DERA: variants seen among roughly 807,000 people sequenced by gnomAD.
DERA encodes the protein deoxyribose-phosphate aldolase.
Under a neutral mutation model 41.1 loss-of-function variants are expected in DERA, and 15 were observed. The observed-to-expected ratio is 0.37, with a 90% confidence interval of 0.24 to 0.56. The LOEUF is 0.56. DERA is among the 20% of genes least tolerant of loss of function. DERA has a pLI of 0.81. For missense variants in DERA, 396 were observed against 403.4 expected (o/e 0.98, Z 0.16); for synonymous variants, 139 against 137.4 (o/e 1.01, Z -0.08).
At chr12:15,960,889 T>C (rs1948582880) in intron 4 of DERA, among the ~76,000 whole-genome samples, 1 of 152,020 alleles carries the variant, frequency 6.6e-6, no homozygotes, top group African/African-American at 2.4e-5. Context: ...CTGGAAAAGG[T>C]TTGCTGTTGT....
Position 15,938,533 on chromosome 12 carries a change from GTTTA to G in DERA, c.32-18400_32-18397del, listed in dbSNP as rs1476065181. Among the ~76,000 whole-genome samples, 1 of 152,094 alleles carries G rather than the reference GTTTA, an allele frequency of 6.6e-6. No individual in the cohort carries two copies. The highest frequency in any genetic ancestry group is 1.5e-5 in the Non-Finnish European group (1 of 67,982). ...TCTATGTGTCTAAGTTGCATTTTGTGTTTATTAAGTTTAAAATTCTTGATAGTTT... is the reference window on the plus strand; with the variant it reads ...TCTATGTGTCTAAGTTGCATTTTGTGTTAAGTTTAAAATTCTTGATAGTTT... On this transcript the variant is annotated intron_variant, in intron 1 of 8. Transcript: ENST00000428559. This position sits in a 1 kb window ranked among gnomAD's most constrained non-coding sequence, Gnocchi z 4.1.
At position 15,972,609 on chromosome 12, in the gene DERA, T is replaced by A. The variant is rs547375941; in HGVS notation, c.508+9662T>A. ...TGCCTCATGATGTGTCCCAGGGGCA[T>A]TTCACGCATAGTGCAGAAGTCGGGG... On this transcript the variant is annotated intron_variant, in intron 5 of 8. Coordinates refer to ENST00000428559, the MANE Select transcript of DERA (RefSeq NM_015954.4). The surrounding 1 kb of genome is among the most constrained non-coding windows in gnomAD (Gnocchi z 4.4). 1.3e-4 allele frequency: 24 copies of A among 180,728 alleles called. No individual in the cohort carries two copies. Among genetic ancestry groups the A allele is most frequent in the Non-Finnish European group, 2.2e-4 (18 of 82,964 alleles). 11.2% of individuals were successfully genotyped at this position (180,728 alleles called of 1,614,324 possible).
chr12:16,027,364 T>G (rs1252940228), intron 6 of DERA, among the ~76,000 whole-genome samples: 1 of 152,222 alleles, frequency 6.6e-6, no homozygotes, highest in Non-Finnish European at 1.5e-5. Context: ...GAAGATAGGT[T>G]CACATCCTAA....
rs995979319 is a variant in DERA, at chr12:15,928,973, C to T, written c.31+17559C>T. ...AATCCTGTCCTGCAGACGGGAGCAG[C>T]GTTCTCTGTGAAAACTGGACAGGAG... is the stretch of plus-strand genomic sequence containing the variant. On this transcript the variant is annotated intron_variant, in intron 1 of 8. Coordinates refer to ENST00000428559, the MANE Select transcript of DERA (RefSeq NM_015954.4). This position sits in a 1 kb window ranked among gnomAD's most constrained non-coding sequence, Gnocchi z 4.6. 2.0e-5 allele frequency among the ~76,000 whole-genome samples: 3 copies of T among 152,170 alleles called. No homozygotes were observed. The highest frequency in any genetic ancestry group is 1.3e-4 in the Admixed American group (2 of 15,286).
intron 1 of DERA, among the ~76,000 whole-genome samples, chr12:15,930,846 A>C (rs1311647540): frequency 6.6e-6 from 1 of 152,170 alleles, no homozygotes; most frequent in African/African-American, 2.4e-5. Flanking sequence ...ATGGTAAAGT[A>C]TAAATGACCA....
rs1036395473 is a variant in DERA at position 15,996,278 on chromosome 12, G to A, written c.637+13842G>A. Among the ~76,000 whole-genome samples, 1 of 151,808 alleles carries A rather than the reference G, an allele frequency of 6.6e-6. No individual in the cohort carries two copies. Among genetic ancestry groups the A allele is most frequent in the Non-Finnish European group, 1.5e-5 (1 of 67,964 alleles). ...AAAGAGGAGTGTATTAGTTTCTTGGGCTCGCTGTAACAGAGTACCGCAAAT... is the reference window on the plus strand; with the variant it reads ...AAAGAGGAGTGTATTAGTTTCTTGGACTCGCTGTAACAGAGTACCGCAAAT... On this transcript the variant is annotated intron_variant, in intron 6 of 8. Transcript: ENST00000428559. This position sits in a 1 kb window ranked among gnomAD's most constrained non-coding sequence, Gnocchi z 4.7.
In DERA at chr12:15,935,033, T is replaced by G. The variant is rs895226738; in HGVS notation, c.32-21903T>G. 3.3e-5 allele frequency among the ~76,000 whole-genome samples: 5 copies of G among 152,192 alleles called. No homozygotes were observed. Among genetic ancestry groups the G allele is most frequent in the Admixed American group, 6.5e-5 (1 of 15,274 alleles). ...GACACCACTTTTTTTATAGCAAATATTTCCAGAGCTAACAAAACTCTTTGG... is the reference window on the plus strand; with the variant it reads ...GACACCACTTTTTTTATAGCAAATAGTTCCAGAGCTAACAAAACTCTTTGG... On this transcript the variant is annotated intron_variant, in intron 1 of 8. Transcript: ENST00000428559. The surrounding 1 kb of genome is among the most constrained non-coding windows in gnomAD (Gnocchi z 4.8).
Position 15,982,279 on chromosome 12 carries a change from G to A in DERA, c.509-29G>A, listed in dbSNP as rs1322033516. 1 of 1,600,888 alleles carries A rather than the reference G, an allele frequency of 6.2e-7. No individual in the cohort carries two copies. Among genetic ancestry groups the A allele is most frequent in the East Asian group, 2.2e-5 (1 of 44,754 alleles). ...AGTTATGTTATCACTTGCCTGCTTT[G>A]TAACTGCCTCAATTATTTTCTTCCC... On this transcript the variant is annotated intron_variant, in intron 5 of 8. Transcript: ENST00000428559. This position sits in a 1 kb window ranked among gnomAD's most constrained non-coding sequence, Gnocchi z 4.0.
Position 15,932,121 on chromosome 12 carries a change from C to T in DERA, c.31+20707C>T, listed in dbSNP as rs16911438. Among the ~76,000 whole-genome samples the T allele has an allele frequency of 6.8e-3, 1,034 of 152,198 alleles. 15 individuals carry two copies. The highest frequency in any genetic ancestry group is 0.024 in the African/African-American group (1,008 of 41,518). On this transcript the variant is annotated intron_variant, in intron 1 of 8. Transcript: ENST00000428559. The stretch of plus-strand genomic sequence containing the variant: ...GACTAAGAGCATATAATAATGTAAC[C>T]AAGATATTGACAATAACCATCTTGT...
At chr12:15,945,470 G>A (rs1592011000) in intron 1 of DERA, among the ~76,000 whole-genome samples, 1 of 152,100 alleles carries the variant, frequency 6.6e-6, no homozygotes, top group Non-Finnish European at 1.5e-5. Context: ...GGATTCCTAG[G>A]TATTTTATGC....
Position 16,019,218 on chromosome 12 carries a change from G to A in DERA, c.638-13324G>A, listed in dbSNP as rs1420474386. Among the ~76,000 whole-genome samples the A allele has an allele frequency of 6.6e-6, 1 of 152,194 alleles. No individual in the cohort carries two copies. The highest frequency in any genetic ancestry group is 1.5e-5 in the Non-Finnish European group (1 of 68,016). On this transcript the variant is annotated intron_variant, in intron 6 of 8. Coordinates refer to ENST00000428559, the MANE Select transcript of DERA (RefSeq NM_015954.4). This position sits in a 1 kb window ranked among gnomAD's most constrained non-coding sequence, Gnocchi z 4.4. ...AAAATCCATTTTTCTTTTGACAGCA[G>A]TAAAGTAATGATGTACTTTCTAAAA...
chr12:16,005,892 A>G (rs1161745957), intron 6 of DERA, among the ~76,000 whole-genome samples: 2 of 152,250 alleles, frequency 1.3e-5, no homozygotes, highest in Admixed American at 1.3e-4. Context: ...CTATGAACAC[A>G]TAACTGTAAG....
At chr12:16,024,925 T>C (rs987353773) in intron 6 of DERA, among the ~76,000 whole-genome samples, 2 of 152,166 alleles carry the variant, frequency 1.3e-5, no homozygotes, top group African/African-American at 2.4e-5. Context: ...AGCAGTGTTA[T>C]AAGACACAGG....
chr12:15,978,486 A>C (rs1948713327), intron 5 of DERA, among the ~76,000 whole-genome samples: 1 of 152,232 alleles, frequency 6.6e-6, no homozygotes, highest in African/African-American at 2.4e-5. Flanking sequence ...ATATTATTTA[A>C]TCATCACAAA....
chr12:15,943,835 C>T lies in DERA; in HGVS notation c.32-13101C>T, dbSNP rs192194986. ...TGTTGGTGTGCTGTAGCCATTAACT[C>T]GTCATTTACATTACGTATTTCTCCT... is the stretch of plus-strand genomic sequence containing the variant. On this transcript the variant is annotated intron_variant, in intron 1 of 8. Transcript: ENST00000428559. The surrounding 1 kb of genome is among the most constrained non-coding windows in gnomAD (Gnocchi z 4.5). Among the ~76,000 whole-genome samples, 901 of 151,162 alleles carry T rather than the reference C, an allele frequency of 6.0e-3. 7 individuals carry two copies. Among genetic ancestry groups the T allele is most frequent in the African/African-American group, 0.021 (849 of 41,206 alleles).
chr12:15,927,169 G>C (rs533928419), intron 1 of DERA, among the ~76,000 whole-genome samples: 110 of 152,126 alleles, frequency 7.2e-4, no homozygotes, highest in Middle Eastern at 3.2e-3. Flanking sequence ...CATGAAGATG[G>C]TAATACATAT....
At chr12:15,947,356 G>C (rs559778220) in intron 1 of DERA, among the ~76,000 whole-genome samples, 11 of 152,264 alleles carry the variant, frequency 7.2e-5, no homozygotes, top group Admixed American at 4.6e-4. Flanking sequence ...CTCTTTGTAG[G>C]TCTCTAAGGA....
Position 15,929,341 on chromosome 12 carries a change from C to T in DERA, c.31+17927C>T, listed in dbSNP as rs747575365. Among the ~76,000 whole-genome samples the T allele has an allele frequency of 2.6e-5, 4 of 152,268 alleles. 1 individual carries two copies. The highest frequency in any genetic ancestry group is 4.4e-5 in the Non-Finnish European group (3 of 68,024). On this transcript the variant is annotated intron_variant, in intron 1 of 8. Coordinates refer to ENST00000428559, the MANE Select transcript of DERA (RefSeq NM_015954.4). ...GAAATTGCAGAAAGAGAGCAGGTGC[C>T]GTGGGAAGCAGTGTTTTGAATCAGC...
intron 5 of DERA, among the ~76,000 whole-genome samples, chr12:15,964,841 T>C (rs1358799304): frequency 1.3e-5 from 2 of 152,230 alleles, no homozygotes; most frequent in Non-Finnish European, 2.9e-5. Flanking sequence ...GGTTTTGATG[T>C]AGCTGACTGC....
Sources: gnomAD v4.1 joint callset for allele counts (sites outside exome capture counted in the v4.1 genomes callset) on GRCh38, gnomAD v4.1.1 for gene constraint, Gnocchi (gnomAD v3.1) non-coding constraint, MANE v1.5 for transcripts, NCBI Gene and HGNC (gene_info 2026-07-23, HGNC 2026-07-21) for gene names.